The following IQCM variants were observed in gnomAD, a reference collection of about 807,000 sequenced individuals.
IQCM encodes IQ domain-containing protein M.
Under a neutral mutation model 57.6 loss-of-function variants are expected in IQCM, and 45 were observed. The observed-to-expected ratio is 0.78, with a 90% CI of 0.62 to 1.00. IQCM has a LOEUF of 1.00. Among genes scored for constraint, IQCM ranks in the 50% least tolerant of loss-of-function variants. The pLI, the probability that IQCM is intolerant of heterozygous loss-of-function variation, is 0.00. For synonymous variants in IQCM, 148 were observed against 158.9 expected (o/e 0.93, Z 0.51); for missense variants, 468 against 511.6 (o/e 0.91, Z 0.82).
At chr4:149,416,476 G>C (rs1733757191) in intron 13 of IQCM, among the ~76,000 whole-genome samples, 1 of 151,904 alleles carries the variant, frequency 6.6e-6, no homozygotes, top group South Asian at 2.1e-4. Context: ...TCAATTTTTG[G>C]TATACATTAG....
At chr4:149,560,288 C>T (rs2149928529) in intron 10 of IQCM, among the ~76,000 whole-genome samples, 1 of 152,246 alleles carries the variant, frequency 6.6e-6, no homozygotes, top group East Asian at 1.9e-4. Context: ...CTCAGATTCT[C>T]CAGGGCTGTT....
chr4:149,624,218 T>C (rs1274968150), intron 7 of IQCM, among the ~76,000 whole-genome samples: 1 of 151,994 alleles, frequency 6.6e-6, no homozygotes, highest in African/African-American at 2.4e-5. Context: ...TGGCATTGAC[T>C]ACAAGGCTAA....
In IQCM at chr4:149,626,392, C is replaced by CATATATATATATATATATGTATATATAT. The variant is rs371051488; in HGVS notation, c.566-5149_566-5148insATATATATACATATATATATATATATAT. Among the ~76,000 whole-genome samples the CATATATATATATATATATGTATATATAT allele has an allele frequency of 2.5e-5, 3 of 120,516 alleles. No individual in the cohort carries two copies. The East Asian group carries it at 8.2e-4, about 33-fold the overall frequency. The allele number at this position is 120,516 out of a possible 152,430, so 79.1% of individuals were successfully genotyped here. A position where few individuals can be genotyped will look rare whatever the true frequency, so the allele number is the denominator to read the frequency against. The stretch of plus-strand genomic sequence containing the variant: ...GATTGTGTTAGTTATACTTAATAAA[C>CATATATATATATATATATGTATATATAT]ATATATATATATAAGTTTATAGCAA... On this transcript the variant is annotated intron_variant, in intron 7 of 13. Coordinates refer to ENST00000636793, the MANE Select transcript of IQCM (RefSeq NM_001363507.2).
At chr4:149,791,467 C>CA (rs1389663142) in intron 2 of IQCM, among the ~76,000 whole-genome samples, 1 of 151,778 alleles carries the variant, frequency 6.6e-6, no homozygotes, top group African/African-American at 2.4e-5. Flanking sequence ...TTGAAATATG[C>CA]AAAAAAATGG....
At chr4:149,586,325 T>G (rs748841245) in intron 9 of IQCM, among the ~76,000 whole-genome samples, 3 of 151,688 alleles carry the variant, frequency 2.0e-5, no homozygotes, top group Non-Finnish European at 3.0e-5. Context: ...TTTCTTCTTG[T>G]GTCAGTTTTG....
intron 12 of IQCM, among the ~76,000 whole-genome samples, chr4:149,535,799 G>A (rs954883052): frequency 2.0e-5 from 3 of 152,050 alleles, no homozygotes; most frequent in Non-Finnish European, 4.4e-5. Context: ...ACTAATTGGA[G>A]TAACAACTCA....
intron 8 of IQCM, among the ~76,000 whole-genome samples, chr4:149,615,310 C>T (rs1434034755): frequency 6.6e-6 from 1 of 152,114 alleles, no homozygotes; most frequent in East Asian, 1.9e-4. Flanking sequence ...TTATGTTACA[C>T]AAGGAATTAC....
chr4:149,813,780 C>CTAGT (rs1253892758), intron 2 of IQCM, among the ~76,000 whole-genome samples: 2 of 152,076 alleles, frequency 1.3e-5, no homozygotes, highest in African/African-American at 2.4e-5. Flanking sequence ...CATTTATTGG[C>CTAGT]TAGTCCTCAA....
intron 2 of IQCM, among the ~76,000 whole-genome samples, chr4:149,782,946 C>G (rs1222856738): frequency 2.0e-5 from 3 of 152,218 alleles, no homozygotes; most frequent in Admixed American, 6.5e-5. Context: ...CTCTCCACCT[C>G]TAAACATTAG....
intron 12 of IQCM, among the ~76,000 whole-genome samples, chr4:149,443,593 T>G (rs1198872726): frequency 1.3e-5 from 2 of 150,722 alleles, no homozygotes; most frequent in Non-Finnish European, 3.0e-5. Context: ...AATGAAATAC[T>G]AAGTCTTGTT....
chr4:149,515,092 G>A (rs2149816446), intron 12 of IQCM, among the ~76,000 whole-genome samples: 1 of 151,814 alleles, frequency 6.6e-6, no homozygotes, highest in South Asian at 2.1e-4. Context: ...GTGTGTGTGT[G>A]TGTGTGTGTG....
chr4:149,426,864 A>AG (rs1225587295), intron 13 of IQCM, among the ~76,000 whole-genome samples: 1 of 151,914 alleles, frequency 6.6e-6, no homozygotes, highest in Non-Finnish European at 1.5e-5. Context: ...ATGAAGAAAA[A>AG]TACACACAAG....
At chr4:149,640,817 A>ATCCACCTTTCAGAAAATG (rs1412620150) in intron 7 of IQCM, among the ~76,000 whole-genome samples, 3 of 152,178 alleles carry the variant, frequency 2.0e-5, no homozygotes, top group African/African-American at 7.2e-5. Flanking sequence ...AACATCCCTG[A>ATCCACCTTTCAGAAAATG]TCCACCTTTC....
At chr4:149,562,436 T>G (rs1750215040) in intron 10 of IQCM, among the ~76,000 whole-genome samples, 1 of 152,064 alleles carries the variant, frequency 6.6e-6, no homozygotes, top group African/African-American at 2.4e-5. Context: ...GAACAATGAG[T>G]GGTAGAACAG....
intron 12 of IQCM, among the ~76,000 whole-genome samples, chr4:149,546,311 A>G (rs577298164): frequency 5.6e-4 from 86 of 152,350 alleles, no homozygotes; most frequent in African/African-American, 2.0e-3. Context: ...AGCATGATTT[A>G]TAATCCTTTG....
chr4:149,355,487 T>C (rs958921348), intron 13 of IQCM, among the ~76,000 whole-genome samples: 4 of 148,934 alleles, frequency 2.7e-5, no homozygotes, highest in African/African-American at 7.4e-5. Flanking sequence ...ACTGAGAACA[T>C]GCGGTGTTTG....
Position 149,356,385 on chromosome 4 carries a change from A to G in IQCM, c.1391-4319T>C, listed in dbSNP as rs376303302. On this transcript the variant is annotated intron_variant, in intron 13 of 13. Transcript: ENST00000636793. ...GGGTTTTTATGGTTTTAGGTCTAAC[A>G]TTTAAGTCTTTAATCCATCTTGAAT... 9.5e-3 allele frequency among the ~76,000 whole-genome samples: 1,443 copies of G among 152,162 alleles called. 8 individuals are homozygous for G. The highest frequency in any genetic ancestry group is 0.035 in the South Asian group (169 of 4,820).
rs560606337 is a variant in IQCM at position 149,725,733 on chromosome 4, C to A, written c.385+7511G>T. On this transcript the variant is annotated intron_variant, in intron 5 of 13. Transcript: ENST00000636793. The stretch of plus-strand genomic sequence containing the variant: ...GGATTACTCACATATTCTAAGTGAC[C>A]CTCAGAACTAGTCTTCTCACTCTTC... Among the ~76,000 whole-genome samples, 203 of 152,112 alleles carry A rather than the reference C, an allele frequency of 1.3e-3. 3 individuals are homozygous for A. Among genetic ancestry groups the A allele is most frequent in the Non-Finnish European group, 7.2e-4 (49 of 67,994 alleles).
rs537173760 is a variant in IQCM, at chr4:149,574,591, G to T, written c.750-10701C>A. On this transcript the variant is annotated intron_variant, in intron 9 of 13. Coordinates refer to ENST00000636793, the MANE Select transcript of IQCM (RefSeq NM_001363507.2). ...TTATGCAAGATTACATGTGAGAAAA[G>T]ATACAATAAGTTGATTAGTAAGTTA... Among the ~76,000 whole-genome samples, 90 of 152,028 alleles carry T rather than the reference G, an allele frequency of 5.9e-4. 1 individual carries two copies. The highest frequency in any genetic ancestry group is 1.6e-3 in the African/African-American group (68 of 41,528).
Sources: allele counts gnomAD v4.1 joint callset (sites outside exome capture counted in the v4.1 genomes callset), GRCh38; gene constraint gnomAD v4.1.1; transcripts MANE v1.5; gene names NCBI Gene and HGNC (gene_info 2026-07-23, HGNC 2026-07-21).